DNAH1: variants seen among roughly 807,000 people sequenced by gnomAD.
DNAH1 encodes dynein axonemal heavy chain 1.
In DNAH1, 327 loss-of-function variants were observed where a neutral mutation model predicts 484.3. The observed-to-expected ratio is 0.68, with a 90% CI of 0.62 to 0.74. The LOEUF (loss-of-function observed/expected upper bound fraction) is 0.74, where lower values mean the gene tolerates loss of function less well. DNAH1 is among the 30% of genes least tolerant of loss of function. The pLI is 0.00. For synonymous variants in DNAH1, 2,192 were observed against 2,191.9 expected (o/e 1.00, Z 0.00); for missense variants, 5,052 against 5,546.8 (o/e 0.91, Z 2.83).
rs933735757 is a variant in DNAH1, at chr3:52,371,925, C to A, written c.6526-21C>A. 5 of 1,611,294 alleles carry A rather than the reference C, an allele frequency of 3.1e-6. No homozygotes were observed. In the African/African-American group the frequency reaches 6.7e-5, roughly 22 times the overall value. The stretch of plus-strand genomic sequence containing the variant: ...GCAGGGAGGGGTTCCAGGCCCACTG[C>A]TGAGCCACCTATGATTCCAGGTTGC... On this transcript the variant is annotated intron_variant, in intron 41 of 77. Transcript: ENST00000420323.
At position 52,359,340 on chromosome 3, in the gene DNAH1, A is replaced by G; in HGVS notation, c.4361A>G (p.Glu1454Gly). Residue 1454 changes from glutamate to glycine, a missense_variant, in exon 26 of 78, where the codon GAG becomes GGG. Coordinates refer to ENST00000420323, the MANE Select transcript of DNAH1 (RefSeq NM_015512.5). ...ACCATGGAGGTGGCAGAGGCTCTGG[A>G]GGCCGGCAACCTCAGAAGCCAACTG... ...YWTMEVAEAL[E>G]AGNLRSQLFP... 1.3e-6 allele frequency: 2 copies of G among 1,570,584 alleles called. No homozygotes were observed. Among genetic ancestry groups the G allele is most frequent in the Non-Finnish European group, 1.7e-6 (2 of 1,157,086 alleles).
intron 44 of DNAH1, among the ~76,000 whole-genome samples, chr3:52,373,415 G>A (rs1703443427): frequency 6.6e-6 from 1 of 152,216 alleles, no homozygotes; most frequent in Non-Finnish European, 1.5e-5. Context: ...AAAACAAGAA[G>A]GAGAAAGAAT....
At chr3:52,363,928 C>T (rs1394853873) in intron 32 of DNAH1, among the ~76,000 whole-genome samples, 1 of 152,134 alleles carries the variant, frequency 6.6e-6, no homozygotes, top group Non-Finnish European at 1.5e-5. Context: ...TGGGTGCCGG[C>T]GCTCCCACAC....
intron 8 of DNAH1, among the ~76,000 whole-genome samples, chr3:52,332,743 G>T (rs1314272211): frequency 6.6e-6 from 1 of 152,160 alleles, no homozygotes; most frequent in African/African-American, 2.4e-5. Context: ...AAAACCCTTA[G>T]ATGATGATTT....
intron 51 of DNAH1, 49 bp downstream of exon 51, chr3:52,383,643 G>A (rs1256811076): frequency 1.1e-5 from 17 of 1,501,622 alleles, no homozygotes; most frequent in African/African-American, 1.4e-5. Flanking sequence ...AGCTGGGTGT[G>A]TACATGGGCT....
intron 60 of DNAH1, 37 bp downstream of exon 60, chr3:52,389,623 C>T: frequency 7.2e-7 from 1 of 1,383,172 alleles, no homozygotes. Flanking sequence ...CAGGCAGGGC[C>T]TGTGGTGTGG....
upstream of DNAH1, among the ~76,000 whole-genome samples, chr3:52,311,983 C>T (rs550265608): frequency 6.6e-6 from 1 of 152,264 alleles, no homozygotes; most frequent in Non-Finnish European, 1.5e-5. Flanking sequence ...CACCGCCCCC[C>T]CAACCTGCTT....
In DNAH1 at chr3:52,364,935, A is replaced by G. The variant is rs776062089; in HGVS notation, c.5434A>G (p.Ile1812Val). The G allele has an allele frequency of 3.5e-5, 56 of 1,613,804 alleles. No homozygotes were observed. Among genetic ancestry groups the G allele is most frequent in the African/African-American group, 5.3e-5 (4 of 74,912 alleles). Residue 1812 changes from isoleucine (I) to valine (V), a missense_variant, in exon 34 of 78, where the codon ATC becomes GTC. Ile to Val is a conservative substitution (Grantham distance 29). Transcript: ENST00000420323. This position sits in a 1 kb window ranked among gnomAD's most constrained non-coding sequence, Gnocchi z 4.2. ...CATCGTGTCCGACCTGTTTCCCACC[A>G]TCAAGGAGGAGGACACGGACTACGG... ...SGIVSDLFPT[I>V]KEEDTDYGIL...
chr3:52,344,597 TCTC>T lies in DNAH1; in HGVS notation c.1397_1399del (p.Ser466del), dbSNP rs1265369199. ...GTTGTCTCTTCCAAGCCCGAGACCT[TCTC>T]CTACGTCACCCTCCCCAAGAAGGAG... On this transcript the variant is annotated inframe_deletion, in exon 9 of 78. Coordinates refer to ENST00000420323, the MANE Select transcript of DNAH1 (RefSeq NM_015512.5). 2 of 1,613,898 alleles carry T rather than the reference TCTC, an allele frequency of 1.2e-6. No homozygotes were observed. Among genetic ancestry groups the T allele is most frequent in the African/African-American group, 1.3e-5 (1 of 75,034 alleles).
intron 8 of DNAH1, among the ~76,000 whole-genome samples, chr3:52,338,951 T>C (rs1490625217): frequency 6.6e-6 from 1 of 152,020 alleles, no homozygotes; most frequent in Admixed American, 6.6e-5. Flanking sequence ...GGAGAATTGC[T>C]TGAACCTAGG....
chr3:52,366,453 C>G lies in DNAH1; in HGVS notation c.5519-4C>G, dbSNP rs1377457221. On this transcript the variant is annotated splice_region_variant and splice_polypyrimidine_tract_variant and intron_variant, in intron 34 of 77. Transcript: ENST00000420323. ...ACCCTTGGGCCCCATGCCATGTCCC[C>G]CAGGCTTCCTGACAAAGTGCATCCA... The G allele has an allele frequency of 8.2e-6, 13 of 1,587,916 alleles. No homozygotes were observed. The highest frequency in any genetic ancestry group is 1.1e-5 in the Non-Finnish European group (13 of 1,167,756).
At position 52,370,473 on chromosome 3, in the gene DNAH1, C is replaced by A. The variant is rs766418340; in HGVS notation, c.6259-4C>A. On this transcript the variant is annotated splice_region_variant and splice_polypyrimidine_tract_variant and intron_variant, in intron 39 of 77. Transcript: ENST00000420323. ...CAGCCTGATACTGTTCCCTTCATCC[C>A]CAGGGCCTCAAGAAAATACCCTCTG... The A allele has an allele frequency of 6.2e-7, 1 of 1,613,994 alleles. No individual in the cohort carries two copies. The highest frequency in any genetic ancestry group is 8.5e-7 in the Non-Finnish European group (1 of 1,179,898).
Position 52,361,748 on chromosome 3 carries a change from G to C in DNAH1, c.4962G>C (p.Gln1654His), listed in dbSNP as rs1469132115. The change falls in exon 30 of 78, where the codon CAG becomes CAC. Residue 1654 changes from glutamine (Q) to histidine (H), a missense_variant. Coordinates refer to ENST00000420323, the MANE Select transcript of DNAH1 (RefSeq NM_015512.5). The surrounding 1 kb of genome is among the most constrained non-coding windows in gnomAD (Gnocchi z 5.6). ...SVVAQQITTI[Q>H]KAQQQRVERF... ...TGGCGCAGCAGATCACCACCATCCA[G>C]AAGGCGCAGCAGCAGCGGGTGAGCC... 1 of 1,609,612 alleles carries C rather than the reference G, an allele frequency of 6.2e-7. No homozygotes were observed. The highest frequency in any genetic ancestry group is 1.7e-5 in the Admixed American group (1 of 59,496).
intron 50 of DNAH1, among the ~76,000 whole-genome samples, chr3:52,383,012 G>A (rs1703924252): frequency 6.6e-6 from 1 of 152,248 alleles, no homozygotes; most frequent in South Asian, 2.1e-4. Flanking sequence ...AGTCAGGAAA[G>A]GGAGGATGCC....
intron 3 of DNAH1, 42 bp downstream of exon 3, chr3:52,323,922 A>G: frequency 6.7e-7 from 1 of 1,482,760 alleles, no homozygotes; most frequent in African/African-American, 1.4e-5. Context: ...CCCGGTAGGT[A>G]TTTCAAAGCA....
At chr3:52,350,713 C>A in intron 16 of DNAH1, 123 bp downstream of exon 16, 1 of 943,888 alleles carries the variant, frequency 1.1e-6, no homozygotes, top group Non-Finnish European at 1.6e-6. Flanking sequence ...AAACACCCCA[C>A]TGAGATTTCA....
rs528639763 is a variant in DNAH1, at chr3:52,331,037, C to T, written c.872-111C>T. 61 of 1,327,724 alleles carry T rather than the reference C, an allele frequency of 4.6e-5. No homozygotes were observed. The East Asian group carries it at 7.6e-4, about 17-fold the overall frequency. The allele number at this position is 1,327,724 out of a possible 1,614,324, so 82.2% of individuals were successfully genotyped here. On this transcript the variant is annotated intron_variant, in intron 6 of 77. Coordinates refer to ENST00000420323, the MANE Select transcript of DNAH1 (RefSeq NM_015512.5). ...GAGGGGGGCATCCCAGCGGGAGAGA[C>T]GCCAGACTGGTGATCTCTGAGACCC...
chr3:52,372,778 G>T, intron 43 of DNAH1, 118 bp from the exon 44 acceptor site: 2 of 1,365,914 alleles, frequency 1.5e-6, no homozygotes, highest in Non-Finnish European at 2.0e-6. Flanking sequence ...CTAGCAATTT[G>T]GAGGAGGCTA....
intron 5 of DNAH1, 122 bp from the exon 6 acceptor site, chr3:52,327,760 C>T (rs1271748016): frequency 8.4e-7 from 1 of 1,194,514 alleles, no homozygotes. Context: ...CCCAGTGCCA[C>T]CTTGCAGCTC....
Sources: gnomAD v4.1 joint callset for allele counts (sites outside exome capture counted in the v4.1 genomes callset) on GRCh38, gnomAD v4.1.1 for gene constraint, Gnocchi (gnomAD v3.1) non-coding constraint, MANE v1.5 for transcripts, NCBI Gene and HGNC (gene_info 2026-07-23, HGNC 2026-07-21) for gene names.